The following SRPK2 variants were observed in gnomAD, a reference collection of about 807,000 sequenced individuals.
SRPK2 encodes the protein SFRS protein kinase 2.
SRPK2 carries 21 observed loss-of-function variants against 90.8 expected under a neutral mutation model. That is an observed-to-expected ratio of 0.23 (90% CI 0.16 to 0.33). SRPK2 has a LOEUF of 0.33. Among genes scored for constraint, SRPK2 ranks in the 10% least tolerant of loss-of-function variants. The pLI is 1.00. For synonymous variants in SRPK2, 288 were observed against 311.1 expected (o/e 0.93, Z 0.78); for missense variants, 620 against 869.0 (o/e 0.71, Z 3.60).
At chr7:105,298,540 C>T (rs932513890) in intron 2 of SRPK2, among the ~76,000 whole-genome samples, 11 of 152,062 alleles carry the variant, frequency 7.2e-5, no homozygotes, top group African/African-American at 2.7e-4. Context: ...TAAGAAACTG[C>T]TAAATTGTGA....
intron 2 of SRPK2, among the ~76,000 whole-genome samples, chr7:105,331,082 A>C (rs1814259812): frequency 6.6e-6 from 1 of 152,026 alleles, no homozygotes; most frequent in Non-Finnish European, 1.5e-5. Context: ...TAGGTGGTTC[A>C]CTTGAGGTCA....
chr7:105,282,218 G>A (rs1444836216), intron 2 of SRPK2, among the ~76,000 whole-genome samples: 2 of 152,112 alleles, frequency 1.3e-5, no homozygotes, highest in Admixed American at 1.3e-4. Context: ...CATCTAATGG[G>A]AAAAGAATAC....
chr7:105,205,031 AG>A (rs1796020944), intron 2 of SRPK2, among the ~76,000 whole-genome samples: 2 of 152,332 alleles, frequency 1.3e-5, no homozygotes, highest in South Asian at 4.1e-4. Context: ...TGAGAAGGTC[AG>A]GGTCTTAGCA....
At chr7:105,198,017 T>C (rs1333141358) in intron 3 of SRPK2, among the ~76,000 whole-genome samples, 1 of 152,238 alleles carries the variant, frequency 6.6e-6, no homozygotes, top group African/African-American at 2.4e-5. Context: ...TGGAAAAAGT[T>C]AGGAACATAA....
intron 13 of SRPK2, among the ~76,000 whole-genome samples, chr7:105,129,122 C>T (rs910718239): frequency 3.9e-5 from 6 of 152,136 alleles, no homozygotes; most frequent in Admixed American, 6.5e-5. Flanking sequence ...CCACCACGCC[C>T]GGCTAATTTT....
chr7:105,252,476 G>A (rs1802607120), intron 2 of SRPK2, among the ~76,000 whole-genome samples: 1 of 152,116 alleles, frequency 6.6e-6, no homozygotes, highest in Non-Finnish European at 1.5e-5. Flanking sequence ...AAAAAGTTGA[G>A]TGGTTTTTGA....
At chr7:105,335,790 CT>C (rs2131796762) in intron 2 of SRPK2, among the ~76,000 whole-genome samples, 2 of 151,672 alleles carry the variant, frequency 1.3e-5, no homozygotes, top group East Asian at 3.9e-4. Flanking sequence ...CCCGACTCTA[CT>C]AAAAAAAACA....
chr7:105,122,368 A>G (rs532809548), intron 15 of SRPK2, among the ~76,000 whole-genome samples: 2 of 152,202 alleles, frequency 1.3e-5, no homozygotes, highest in East Asian at 3.8e-4. Flanking sequence ...CTGCCCACAC[A>G]AACTTGTACA....
intron 2 of SRPK2, among the ~76,000 whole-genome samples, chr7:105,321,646 T>C (rs1488800561): frequency 2.0e-5 from 3 of 152,124 alleles, no homozygotes; most frequent in Admixed American, 6.6e-5. Flanking sequence ...AAGATTTTAA[T>C]AGAATCTCTC....
At chr7:105,171,204 C>A (rs950142749) in intron 3 of SRPK2, among the ~76,000 whole-genome samples, 2 of 152,050 alleles carry the variant, frequency 1.3e-5, no homozygotes, top group African/African-American at 4.8e-5. Context: ...TTCTTCACTT[C>A]GCATTTTTAA....
At chr7:105,172,767 T>G (rs996945627) in intron 3 of SRPK2, among the ~76,000 whole-genome samples, 2 of 152,198 alleles carry the variant, frequency 1.3e-5, no homozygotes, top group Non-Finnish European at 1.5e-5. Flanking sequence ...CTTCCTGGTC[T>G]TAGTACACAG....
At chr7:105,394,246 G>A (rs1176752743), upstream of SRPK2, among the ~76,000 whole-genome samples, 4 of 151,566 alleles carry the variant, frequency 2.6e-5, no homozygotes, top group East Asian at 1.9e-4. Context: ...GGGTTCAGGC[G>A]ATTCTCCTGC....
chr7:105,299,447 C>T (rs193145262), intron 2 of SRPK2, among the ~76,000 whole-genome samples: 1 of 152,156 alleles, frequency 6.6e-6, no homozygotes, highest in Non-Finnish European at 1.5e-5. Context: ...AAAGCTAACA[C>T]ATATATTGCT....
chr7:105,253,111 C>G (rs529373406), intron 2 of SRPK2, among the ~76,000 whole-genome samples: 2 of 152,108 alleles, frequency 1.3e-5, no homozygotes, highest in African/African-American at 4.8e-5. Flanking sequence ...GAAAAAAATA[C>G]GTAAGACTTA....
intron 2 of SRPK2, among the ~76,000 whole-genome samples, chr7:105,388,065 G>A (rs1821835913): frequency 6.6e-6 from 1 of 152,186 alleles, no homozygotes; most frequent in South Asian, 2.1e-4. Context: ...ACAGGTCTCG[G>A]GGCTGAACTC....
At chr7:105,212,062 A>ATT (rs1205363199) in intron 2 of SRPK2, among the ~76,000 whole-genome samples, 1 of 152,272 alleles carries the variant, frequency 6.6e-6, no homozygotes, top group East Asian at 1.9e-4. Context: ...TTACACATTA[A>ATT]TTCCATATAT....
At chr7:105,333,562 A>C (rs898486504) in intron 2 of SRPK2, among the ~76,000 whole-genome samples, 6 of 152,222 alleles carry the variant, frequency 3.9e-5, no homozygotes, top group African/African-American at 1.4e-4. Context: ...TATTACAAAA[A>C]ATAGCTCCAT....
intron 2 of SRPK2, among the ~76,000 whole-genome samples, chr7:105,221,170 G>T (rs1798049916): frequency 6.6e-6 from 1 of 152,064 alleles, no homozygotes; most frequent in Non-Finnish European, 1.5e-5. Context: ...TCATAAAGTT[G>T]AAAAATCCTA....
At chr7:105,359,201 C>A (rs1818151750) in intron 2 of SRPK2, among the ~76,000 whole-genome samples, 1 of 143,350 alleles carries the variant, frequency 7.0e-6, no homozygotes, top group African/African-American at 2.6e-5. Flanking sequence ...CTCTATCACC[C>A]AGGCTGGAGT....
Sources: allele counts gnomAD v4.1 joint callset (sites outside exome capture counted in the v4.1 genomes callset), GRCh38; gene constraint gnomAD v4.1.1; transcripts MANE v1.5; gene names NCBI Gene and HGNC (gene_info 2026-07-23, HGNC 2026-07-21).